BARD1: variants seen among roughly 807,000 people sequenced by gnomAD.
BARD1 encodes BRCA1 associated RING domain 1.
Under a neutral mutation model 77.0 loss-of-function variants are expected in BARD1, and 73 were observed. That is an observed-to-expected ratio of 0.95 (90% confidence interval 0.79 to 1.15). The LOEUF (loss-of-function observed/expected upper bound fraction) is 1.15, where lower values mean the gene tolerates loss of function less well. BARD1 is among the 50% of genes most tolerant of loss of function. BARD1 has a pLI of 0.00. For missense variants in BARD1, 993 were observed against 938.8 expected (o/e 1.06, Z -0.75); for synonymous variants, 384 against 338.0 (o/e 1.14, Z -1.49).
chr2:214,806,699 C>T (rs562861859), intron 1 of BARD1, among the ~76,000 whole-genome samples: 11 of 151,922 alleles, frequency 7.2e-5, no homozygotes, highest in Non-Finnish European at 1.6e-4. Context: ...CATGATGAAA[C>T]CCCGTCTCTA....
At chr2:214,809,052 G>A (rs1057147973) in intron 1 of BARD1, among the ~76,000 whole-genome samples, 1 of 152,178 alleles carries the variant, frequency 6.6e-6, no homozygotes, top group Non-Finnish European at 1.5e-5. Flanking sequence ...GTAATCCAGG[G>A]CCGGGTAAAA....
At chr2:214,730,251 C>T in intron 10 of BARD1, 160 bp downstream of exon 10, 1 of 676,468 alleles carries the variant, frequency 1.5e-6, no homozygotes, top group Admixed American at 2.4e-5. Flanking sequence ...GATTTTACTG[C>T]TCATCGTGAT....
intron 3 of BARD1, among the ~76,000 whole-genome samples, chr2:214,782,644 G>C (rs960752430): frequency 1.3e-5 from 2 of 152,086 alleles, no homozygotes; most frequent in African/African-American, 4.8e-5. Flanking sequence ...GATTTTGTGA[G>C]AGATACTCTT....
intron 1 of BARD1, among the ~76,000 whole-genome samples, chr2:214,805,450 G>T (rs764550677): frequency 1.3e-5 from 2 of 152,168 alleles, no homozygotes; most frequent in African/African-American, 2.4e-5. Context: ...CTGTGAGAAT[G>T]CCTCTGAACA....
intron 3 of BARD1, among the ~76,000 whole-genome samples, chr2:214,790,333 G>T (rs1695459375): frequency 6.6e-6 from 1 of 152,104 alleles, no homozygotes; most frequent in South Asian, 2.1e-4. Context: ...TTGGAAATAA[G>T]GTCATTGCAG....
rs876659724 is a variant in BARD1 at position 214,809,505 on chromosome 2, G to A, written c.65C>T (p.Ser22Phe). The A allele has an allele frequency of 5.0e-6, 8 of 1,602,366 alleles. No homozygotes were observed. In the East Asian group the frequency reaches 1.1e-4, roughly 23 times the overall value. ...PRIRSGNEPR[S>F]APAMEPDGRG... The stretch of plus-strand genomic sequence containing the variant: ...ACCATCCGGTTCCATGGCGGGCGCG[G>A]AACGAGGCTCGTTCCCGGAGCGGAT... Residue 22 changes from serine (S) to phenylalanine (F), a missense_variant, in exon 1 of 11, where the codon TCC becomes TTC. Coordinates refer to ENST00000260947, the MANE Select transcript of BARD1 (RefSeq NM_000465.4).
At chr2:214,777,042 C>G (rs1694766342) in intron 4 of BARD1, among the ~76,000 whole-genome samples, 1 of 152,116 alleles carries the variant, frequency 6.6e-6, no homozygotes, top group African/African-American at 2.4e-5. Flanking sequence ...CCCTGCCAAC[C>G]ATCCAAGCAA....
intron 7 of BARD1, among the ~76,000 whole-genome samples, chr2:214,751,950 G>C (rs1008410326): frequency 1.3e-5 from 2 of 152,086 alleles, no homozygotes; most frequent in Non-Finnish European, 2.9e-5. Flanking sequence ...CCTCCAGATA[G>C]TCACCTGGCA....
At chr2:214,771,924 GAAAAAA>G (rs10602414) in intron 4 of BARD1, among the ~76,000 whole-genome samples, 8 of 107,160 alleles carry the variant, frequency 7.5e-5, no homozygotes, top group Admixed American at 3.8e-4. Flanking sequence ...CCAGTTTCAG[GAAAAAA>G]AAAAAAAAAA....
At chr2:214,767,323 A>G (rs1421979154) in intron 6 of BARD1, among the ~76,000 whole-genome samples, 159 bp downstream of exon 6, 1 of 152,230 alleles carries the variant, frequency 6.6e-6, no homozygotes, top group Non-Finnish European at 1.5e-5. Context: ...AAGGGCATGA[A>G]GGCTGATTAT....
In BARD1 at chr2:214,728,704, G is replaced by C. The variant is rs730881427; in HGVS notation, c.2306C>G (p.Ser769Cys). Residue 769 changes from serine to cysteine, a missense_variant, in exon 11 of 11, where the codon TCC becomes TGC. Transcript: ENST00000260947. ...GCTGTCAAGAGGAAGCAACTCAAAG[G>C]ACATCACACAGTCTATAAACCAGCT... ...PSSWFIDCVM[S>C]FELLPLDS The C allele has an allele frequency of 6.2e-7, 1 of 1,614,118 alleles. No homozygotes were observed. Among genetic ancestry groups the C allele is most frequent in the Non-Finnish European group, 8.5e-7 (1 of 1,180,014 alleles).
chr2:214,806,179 C>T (rs1696259700), intron 1 of BARD1, among the ~76,000 whole-genome samples: 1 of 152,164 alleles, frequency 6.6e-6, no homozygotes, highest in East Asian at 1.9e-4. Context: ...AGAAAGGATG[C>T]CCGGTTATGT....
intron 1 of BARD1, among the ~76,000 whole-genome samples, chr2:214,801,022 T>C (rs1025530258): frequency 6.6e-6 from 1 of 152,144 alleles, no homozygotes; most frequent in Non-Finnish European, 1.5e-5. Flanking sequence ...TAGAGGTACA[T>C]GCTTGTAAAA....
At chr2:214,772,061 G>A (rs1694523855) in intron 4 of BARD1, among the ~76,000 whole-genome samples, 1 of 152,020 alleles carries the variant, frequency 6.6e-6, no homozygotes, top group Non-Finnish European at 1.5e-5. Flanking sequence ...CAAGCTCCTG[G>A]GCCCAAGCAA....
intron 1 of BARD1, among the ~76,000 whole-genome samples, chr2:214,798,601 G>A (rs1695867410): frequency 6.6e-6 from 1 of 151,664 alleles, no homozygotes; most frequent in Admixed American, 6.6e-5. Context: ...TAGCACCTTG[G>A]ATTCCCTATC....
intron 9 of BARD1, among the ~76,000 whole-genome samples, chr2:214,741,459 T>C (rs549480521): frequency 1.8e-4 from 28 of 152,194 alleles, no homozygotes; most frequent in Non-Finnish European, 2.9e-4. Context: ...ATCTTTAGGA[T>C]ACAGTTTCAT....
chr2:214,741,330 A>G (rs1301889913), intron 9 of BARD1, among the ~76,000 whole-genome samples: 1 of 152,162 alleles, frequency 6.6e-6, no homozygotes, highest in East Asian at 1.9e-4. Flanking sequence ...ATGAGATAAG[A>G]AAAGAAGATG....
At chr2:214,795,606 T>A (rs1397615408) in intron 2 of BARD1, among the ~76,000 whole-genome samples, 1 of 152,026 alleles carries the variant, frequency 6.6e-6, no homozygotes, top group African/African-American at 2.4e-5. Flanking sequence ...ATCACAATAG[T>A]ATGAGCAGAG....
At chr2:214,798,803 G>C (rs572406138) in intron 1 of BARD1, among the ~76,000 whole-genome samples, 1 of 147,442 alleles carries the variant, frequency 6.8e-6, no homozygotes, top group Non-Finnish European at 1.5e-5. Context: ...AAAGAAAGAT[G>C]AATAAACTTC....
Sources: allele counts gnomAD v4.1 joint callset (sites outside exome capture counted in the v4.1 genomes callset), GRCh38; gene constraint gnomAD v4.1.1; transcripts MANE v1.5; gene names NCBI Gene and HGNC (gene_info 2026-07-23, HGNC 2026-07-21).